The following NTNG1 variants were observed in gnomAD, a reference collection of about 807,000 sequenced individuals.
NTNG1 encodes netrin-G1.
NTNG1 carries 16 observed loss-of-function variants against 54.0 expected under a neutral mutation model. The observed-to-expected ratio is 0.30, with a 90% CI of 0.20 to 0.45. The LOEUF (loss-of-function observed/expected upper bound fraction) is 0.45. Ranked by LOEUF, NTNG1 falls within the 20% of genes least tolerant of loss-of-function variation. The pLI, the probability that NTNG1 is intolerant of heterozygous loss-of-function variation, is 1.00. For synonymous variants in NTNG1, 255 were observed against 263.1 expected (o/e 0.97, Z 0.30); for missense variants, 530 against 678.7 (o/e 0.78, Z 2.43).
intron 2 of NTNG1, among the ~76,000 whole-genome samples, chr1:107,232,078 C>T (rs1460278818): frequency 1.3e-5 from 2 of 152,180 alleles, no homozygotes; most frequent in African/African-American, 4.8e-5. Flanking sequence ...AGGTTAGCCT[C>T]ATTTGGTCCT....
chr1:107,299,316 G>A (rs1230966964), intron 2 of NTNG1, among the ~76,000 whole-genome samples: 1 of 152,088 alleles, frequency 6.6e-6, no homozygotes, highest in African/African-American at 2.4e-5. Flanking sequence ...ACTTAGGTCT[G>A]TACTTAAAAA....
chr1:107,333,300 A>G (rs1276873002), intron 3 of NTNG1, among the ~76,000 whole-genome samples: 1 of 152,086 alleles, frequency 6.6e-6, no homozygotes, highest in Non-Finnish European at 1.5e-5. Flanking sequence ...CACAGTTACC[A>G]TAATCAGAGT....
At chr1:107,480,569 T>TCA in intron 7 of NTNG1, 42 bp from the exon 8 acceptor site, 1 of 609,594 alleles carries the variant, frequency 1.6e-6, no homozygotes, top group East Asian at 2.8e-5. Context: ...CTGCTTCTCC[T>TCA]CCCCGCGCCC....
chr1:107,376,845 C>T (rs948632847), intron 3 of NTNG1, among the ~76,000 whole-genome samples: 5 of 152,144 alleles, frequency 3.3e-5, no homozygotes, highest in Non-Finnish European at 7.3e-5. Flanking sequence ...GCAAGTGTCC[C>T]GTCTTCCCCT....
chr1:107,250,588 T>A (rs1167724801), intron 2 of NTNG1, among the ~76,000 whole-genome samples: 1 of 151,238 alleles, frequency 6.6e-6, no homozygotes, highest in African/African-American at 2.4e-5. Context: ...ATAAAAAAAA[T>A]AAAAGAAAGA....
intron 2 of NTNG1, among the ~76,000 whole-genome samples, chr1:107,226,667 T>C (rs1001832969): frequency 2.6e-5 from 4 of 152,084 alleles, no homozygotes; most frequent in Non-Finnish European, 5.9e-5. Flanking sequence ...ACAATATCTC[T>C]TTGACTGTCT....
intron 2 of NTNG1, among the ~76,000 whole-genome samples, chr1:107,189,400 T>A: frequency 6.8e-6 from 1 of 147,712 alleles, no homozygotes. Context: ...AATGAAGTTT[T>A]GGGACAAAAT....
At chr1:107,438,310 A>T (rs976437105) in intron 7 of NTNG1, among the ~76,000 whole-genome samples, 4 of 152,326 alleles carry the variant, frequency 2.6e-5, no homozygotes, top group South Asian at 2.1e-4. Flanking sequence ...ACTGAAAGAC[A>T]GTCAAATAGT....
chr1:107,414,594 G>A (rs1674069883), intron 5 of NTNG1, among the ~76,000 whole-genome samples: 1 of 151,936 alleles, frequency 6.6e-6, no homozygotes, highest in South Asian at 2.1e-4. Context: ...CAGATCACTT[G>A]GGTTAAGAAC....
intron 7 of NTNG1, among the ~76,000 whole-genome samples, chr1:107,475,998 C>G (rs1363049937): frequency 6.6e-6 from 1 of 152,184 alleles, no homozygotes; most frequent in Non-Finnish European, 1.5e-5. Flanking sequence ...CAAAATTTTT[C>G]AATCCTTTTT....
intron 2 of NTNG1, among the ~76,000 whole-genome samples, chr1:107,178,968 T>C (rs1390453793): frequency 6.6e-6 from 1 of 152,190 alleles, no homozygotes; most frequent in Admixed American, 6.5e-5. Context: ...TGCTTGGACA[T>C]AGCATATGTT....
intron 2 of NTNG1, among the ~76,000 whole-genome samples, chr1:107,178,877 T>C (rs139831722): frequency 3.5e-4 from 53 of 152,338 alleles, no homozygotes; most frequent in Non-Finnish European, 6.8e-4. Flanking sequence ...TGGTCCCACA[T>C]GATCTAGACT....
chr1:107,459,848 A>C (rs1388181314), intron 7 of NTNG1, among the ~76,000 whole-genome samples: 1 of 152,146 alleles, frequency 6.6e-6, no homozygotes, highest in African/African-American at 2.4e-5. Context: ...CCAGCCGGGT[A>C]CTCCTAGGGC....
At chr1:107,306,433 G>A (rs1393963194) in intron 2 of NTNG1, among the ~76,000 whole-genome samples, 1 of 152,110 alleles carries the variant, frequency 6.6e-6, no homozygotes, top group Non-Finnish European at 1.5e-5. Context: ...ACAACACAGG[G>A]CTGAACTGTT....
chr1:107,479,250 C>A (rs1678536324), intron 7 of NTNG1, among the ~76,000 whole-genome samples: 2 of 152,202 alleles, frequency 1.3e-5, no homozygotes, highest in Admixed American at 6.5e-5. Flanking sequence ...TTCCTAAGCT[C>A]ATTGACACAC....
At position 107,336,185 on chromosome 1, in the gene NTNG1, C is replaced by CT. The variant is rs1012269428; in HGVS notation, c.887+11276dup. On this transcript the variant is annotated intron_variant, in intron 3 of 7. Transcript: ENST00000370068. ...TCACTGGGGTTTTTATGTTGTTGTTCTTTTTTTTTTTTTAATTTCAAAACT... is the reference window on the plus strand; with the variant it reads ...TCACTGGGGTTTTTATGTTGTTGTTCTTTTTTTTTTTTTTAATTTCAAAACT... 8.5e-3 allele frequency among the ~76,000 whole-genome samples: 1,203 copies of CT among 140,950 alleles called. 12 individuals carry two copies. The highest frequency in any genetic ancestry group is 0.027 in the African/African-American group (1,045 of 38,864). 92.5% of individuals were successfully genotyped at this position (140,950 alleles called of 152,430 possible).
intron 3 of NTNG1, among the ~76,000 whole-genome samples, chr1:107,336,337 G>T (rs944578641): frequency 6.6e-6 from 1 of 151,526 alleles, no homozygotes; most frequent in African/African-American, 2.4e-5. Context: ...TTTCAACAAC[G>T]TTGCCAAGAC....
intron 2 of NTNG1, among the ~76,000 whole-genome samples, chr1:107,252,438 C>A (rs1418223507): frequency 6.6e-6 from 1 of 152,138 alleles, no homozygotes; most frequent in Non-Finnish European, 1.5e-5. Context: ...GGTAATCATG[C>A]CAATATCTAA....
chr1:107,432,146 TGC>T (rs1675307763), intron 6 of NTNG1, among the ~76,000 whole-genome samples: 1 of 152,206 alleles, frequency 6.6e-6, no homozygotes, highest in Admixed American at 6.5e-5. Context: ...AATTTCCGTT[TGC>T]TAGCTCATGG....
Sources: gnomAD v4.1 joint callset for allele counts (sites outside exome capture counted in the v4.1 genomes callset) on GRCh38, gnomAD v4.1.1 for gene constraint, MANE v1.5 for transcripts, NCBI Gene and HGNC (gene_info 2026-07-23, HGNC 2026-07-21) for gene names.